The following CBX6 variants were observed in gnomAD, a reference collection of about 807,000 sequenced individuals.
CBX6 encodes the protein chromobox 6.
Under a neutral mutation model 28.4 loss-of-function variants are expected in CBX6, and 7 were observed. The observed-to-expected ratio is 0.25, with a 90% CI of 0.14 to 0.46. The LOEUF is 0.46. Ranked by LOEUF, CBX6 falls within the 20% of genes least tolerant of loss-of-function variation. The probability of loss-of-function intolerance (pLI) is 0.99; values close to 1 mark genes in which losing one functional copy is unlikely to be tolerated. For synonymous variants in CBX6, 297 were observed against 273.4 expected (o/e 1.09, Z -0.85); for missense variants, 512 against 606.1 (o/e 0.84, Z 1.63).
At position 38,865,996 on chromosome 22, in the gene CBX6, G is replaced by A. The variant is rs951623660; in HGVS notation, c.*213C>T. ...CCAGTGGGCTACCATGCATGGGCAG[G>A]GGGTGTGCCCTTCCCCTGCCCCATT... On this transcript the variant is annotated 3_prime_UTR_variant, in exon 5 of 5. Coordinates refer to ENST00000407418, the MANE Select transcript of CBX6 (RefSeq NM_014292.5). 8 of 588,496 alleles carry A rather than the reference G, an allele frequency of 1.4e-5. No homozygotes were observed. The highest frequency in any genetic ancestry group is 9.3e-5 in the African/African-American group (5 of 53,616). The allele number at this position is 588,496 out of a possible 1,614,324, so 36.5% of individuals were successfully genotyped here. A position where few individuals can be genotyped will look rare whatever the true frequency, so the allele number is the denominator to read the frequency against.
Position 38,866,758 on chromosome 22 carries a change from G to A in CBX6, c.690C>T (p.Gly230=). Reference sequence around the variant, plus strand: ...GCGGAGGCTTGTACAGCGCAAAGGCGCCGAACTTCATGTGGCGGATCTGTG... The same window carrying A: ...GCGGAGGCTTGTACAGCGCAAAGGCACCGAACTTCATGTGGCGGATCTGTG... ...LRTQIRHMKF[G]AFALYKPPPA... Residue 230 remains glycine (G), a synonymous_variant, in exon 5 of 5, where the codon GGC becomes GGT. Transcript: ENST00000407418. This position sits in a 1 kb window ranked among gnomAD's most constrained non-coding sequence, Gnocchi z 7.5. 2.5e-6 allele frequency: 4 copies of A among 1,610,902 alleles called. No homozygotes were observed. The highest frequency in any genetic ancestry group is 3.4e-6 in the Non-Finnish European group (4 of 1,178,610).
In CBX6 at chr22:38,871,421, G is replaced by A. The variant is rs1269680866; in HGVS notation, c.246+59C>T. The A allele has an allele frequency of 4.6e-6, 7 of 1,517,626 alleles. No individual in the cohort carries two copies. Among genetic ancestry groups the A allele is most frequent in the Non-Finnish European group, 6.3e-6 (7 of 1,114,056 alleles). The allele number at this position is 1,517,626 out of a possible 1,614,324, so 94.0% of individuals were successfully genotyped here. On this transcript the variant is annotated intron_variant, in intron 4 of 4. Coordinates refer to ENST00000407418, the MANE Select transcript of CBX6 (RefSeq NM_014292.5). The surrounding 1 kb of genome is among the most constrained non-coding windows in gnomAD (Gnocchi z 5.6). ...TATCTGTCCCTCCCTTCCAGGCCCCGTGCTGTGCCGGGGCTGGGGGCCCGA... is the reference window on the plus strand; with the variant it reads ...TATCTGTCCCTCCCTTCCAGGCCCCATGCTGTGCCGGGGCTGGGGGCCCGA...
chr22:38,872,169 C>G lies in CBX6; in HGVS notation c.22G>C (p.Glu8Gln). Reference protein sequence around the residue: MELSAVGERVFAAESIIK... With the variant: MELSAVGQRVFAAESIIK... ...ATGGATTCGGCCGCGAAGACCCGCT[C>G]GCCCACTGCAGACAGCTCCATCTTG... is the stretch of plus-strand genomic sequence containing the variant. The change falls in exon 1 of 5, where the codon GAG (glutamate) becomes CAG (glutamine). Residue 8 changes from glutamate to glutamine, a missense_variant. By Grantham distance (29) the Glu-to-Gln change is conservative. Coordinates refer to ENST00000407418, the MANE Select transcript of CBX6 (RefSeq NM_014292.5). The surrounding 1 kb of genome is among the most constrained non-coding windows in gnomAD (Gnocchi z 5.0). The G allele has an allele frequency of 7.1e-7, 1 of 1,418,026 alleles. No individual in the cohort carries two copies. The highest frequency in any genetic ancestry group is 9.4e-7 in the Non-Finnish European group (1 of 1,069,502). 87.8% of individuals were successfully genotyped at this position (1,418,026 alleles called of 1,614,324 possible).
chr22:38,871,263 C>T lies in CBX6; in HGVS notation c.246+217G>A, dbSNP rs2093181405. 7 of 631,938 alleles carry T rather than the reference C, an allele frequency of 1.1e-5. No individual in the cohort carries two copies. The highest frequency in any genetic ancestry group is 1.8e-5 in the South Asian group (1 of 54,822). 39.1% of individuals were successfully genotyped at this position (631,938 alleles called of 1,614,324 possible). A position where few individuals can be genotyped will look rare whatever the true frequency, so the allele number is the denominator to read the frequency against. ...CCTGGTTTCAACAGGGAGGATTATC[C>T]CCAGTCCCAAAACCCTCTTGTTGAA... On this transcript the variant is annotated intron_variant, in intron 4 of 4. Coordinates refer to ENST00000407418, the MANE Select transcript of CBX6 (RefSeq NM_014292.5). The surrounding 1 kb of genome is among the most constrained non-coding windows in gnomAD (Gnocchi z 5.6).
At position 38,871,388 on chromosome 22, in the gene CBX6, C is replaced by T. The variant is rs1257554120; in HGVS notation, c.246+92G>A. The T allele has an allele frequency of 2.3e-6, 3 of 1,325,422 alleles. No homozygotes were observed. Among genetic ancestry groups the T allele is most frequent in the South Asian group, 1.4e-5 (1 of 73,768 alleles). The allele number at this position is 1,325,422 out of a possible 1,614,324, so 82.1% of individuals were successfully genotyped here. A position where few individuals can be genotyped will look rare whatever the true frequency, so the allele number is the denominator to read the frequency against. The stretch of plus-strand genomic sequence containing the variant: ...CTCTGAAAAGGCCGGCCCGCTTGGG[C>T]GGCCGCGTATCTGTCCCTCCCTTCC... On this transcript the variant is annotated intron_variant, in intron 4 of 4. Transcript: ENST00000407418. This position sits in a 1 kb window ranked among gnomAD's most constrained non-coding sequence, Gnocchi z 5.6.
chr22:38,871,785 G>A lies in CBX6; in HGVS notation c.114-28C>T. The A allele has an allele frequency of 6.2e-7, 1 of 1,603,386 alleles. No individual in the cohort carries two copies. The highest frequency in any genetic ancestry group is 1.1e-5 in the South Asian group (1 of 90,012). On this transcript the variant is annotated intron_variant, in intron 2 of 4. Transcript: ENST00000407418. This position sits in a 1 kb window ranked among gnomAD's most constrained non-coding sequence, Gnocchi z 5.6. Reference sequence around the variant, plus strand: ...GCCGAGTCACAAACGCACAAAATCAGGATGAAGACCAGAGAGGGACAGGCA... The same window carrying A: ...GCCGAGTCACAAACGCACAAAATCAAGATGAAGACCAGAGAGGGACAGGCA...
intron 4 of CBX6, 23 bp from the exon 5 acceptor site, chr22:38,867,224 GT>G: frequency 2.0e-6 from 3 of 1,502,826 alleles, no homozygotes; most frequent in Non-Finnish European, 2.7e-6. Context: ...GGAGGGGTGG[GT>G]GGGACCTCAG....
At position 38,872,066 on chromosome 22, in the gene CBX6, C is replaced by A; in HGVS notation, c.69+56G>T. ...AGCGGGACCGCTTCGCCCCGAGGGCCCCCGGCCCCGGCCCCGGCTGCGGAC... is the reference window on the plus strand; with the variant it reads ...AGCGGGACCGCTTCGCCCCGAGGGCACCCGGCCCCGGCCCCGGCTGCGGAC... On this transcript the variant is annotated intron_variant, in intron 1 of 4. Transcript: ENST00000407418. This position sits in a 1 kb window ranked among gnomAD's most constrained non-coding sequence, Gnocchi z 5.0. 7.8e-7 allele frequency: 1 copy of A among 1,276,638 alleles called. No homozygotes were observed. The highest frequency in any genetic ancestry group is 2.2e-5 in the South Asian group (1 of 44,510). 79.1% of individuals were successfully genotyped at this position (1,276,638 alleles called of 1,614,324 possible). A position where few individuals can be genotyped will look rare whatever the true frequency, so the allele number is the denominator to read the frequency against.
In CBX6 at chr22:38,867,190, C is replaced by T. The variant is rs756406941; in HGVS notation, c.258G>A (p.Gln86=). 1.2e-6 allele frequency: 1 copy of T among 822,658 alleles called. No homozygotes were observed. Among genetic ancestry groups the T allele is most frequent in the Admixed American group, 2.4e-5 (1 of 41,952 alleles). 51.0% of individuals were successfully genotyped at this position (822,658 alleles called of 1,614,324 possible). A position where few individuals can be genotyped will look rare whatever the true frequency, so the allele number is the denominator to read the frequency against. Residue 86 remains glutamine, a synonymous_variant, in exon 5 of 5, where the codon CAG becomes CAA. Coordinates refer to ENST00000407418, the MANE Select transcript of CBX6 (RefSeq NM_014292.5). ...PKTFLLKARA[Q]AEALRISDVH... ...CATCACTGATGCGGAGGGCCTCGGC[C>T]TGGGCCCGCGCCTGCGGGCAGAGGG...
In CBX6 at chr22:38,871,273, A is replaced by G. The variant is rs2146216396; in HGVS notation, c.246+207T>C. 1.5e-6 allele frequency: 1 copy of G among 649,790 alleles called. No individual in the cohort carries two copies. The highest frequency in any genetic ancestry group is 1.7e-5 in the South Asian group (1 of 58,146). The allele number at this position is 649,790 out of a possible 1,614,324, so 40.3% of individuals were successfully genotyped here. On this transcript the variant is annotated intron_variant, in intron 4 of 4. Transcript: ENST00000407418. The surrounding 1 kb of genome is among the most constrained non-coding windows in gnomAD (Gnocchi z 5.6). ...ACAGGGAGGATTATCCCCAGTCCCA[A>G]AACCCTCTTGTTGAAGCTGATGCTG...
chr22:38,866,051 G>C lies in CBX6; in HGVS notation c.*158C>G, dbSNP rs2093168553. ...GGTGGCCCCTACCCCCGGCTTTCTG[G>C]GACCCCAACTACCCAGCCCCATCCC... On this transcript the variant is annotated 3_prime_UTR_variant, in exon 5 of 5. Coordinates refer to ENST00000407418, the MANE Select transcript of CBX6 (RefSeq NM_014292.5). The surrounding 1 kb of genome is among the most constrained non-coding windows in gnomAD (Gnocchi z 7.5). 1 of 653,648 alleles carries C rather than the reference G, an allele frequency of 1.5e-6. No individual in the cohort carries two copies. The highest frequency in any genetic ancestry group is 3.0e-5 in the Admixed American group (1 of 33,650). 40.5% of individuals were successfully genotyped at this position (653,648 alleles called of 1,614,324 possible). A position where few individuals can be genotyped will look rare whatever the true frequency, so the allele number is the denominator to read the frequency against.
rs752695107 is a variant in CBX6, at chr22:38,871,580, CCCCTTCCCGGGCCCCACTCCGCGCTG to C, written c.180-60_180-35del. The C allele has an allele frequency of 1.9e-6, 3 of 1,613,124 alleles. No individual in the cohort carries two copies. Among genetic ancestry groups the C allele is most frequent in the Non-Finnish European group, 1.7e-6 (2 of 1,179,350 alleles). On this transcript the variant is annotated intron_variant, in intron 3 of 4. Coordinates refer to ENST00000407418, the MANE Select transcript of CBX6 (RefSeq NM_014292.5). This position sits in a 1 kb window ranked among gnomAD's most constrained non-coding sequence, Gnocchi z 5.6. ...GAAAAACACCAGAGGTTAAAAAGAG[CCCCTTCCCGGGCCCCACTCCGCGCTG>C]CCCTCCCCGGCTCTCCCGCTTCCCC... is the stretch of plus-strand genomic sequence containing the variant.
chr22:38,868,929 C>T (rs2093176313), intron 4 of CBX6, among the ~76,000 whole-genome samples: 2 of 152,184 alleles, frequency 1.3e-5, no homozygotes, highest in African/African-American at 2.4e-5. Context: ...TCATTTAGAA[C>T]GTGGCGTTCA....
At position 38,866,257 on chromosome 22, in the gene CBX6, C is replaced by G. The variant is rs772822199; in HGVS notation, c.1191G>C (p.Gly397=). 3.3e-5 allele frequency: 54 copies of G among 1,613,482 alleles called. No homozygotes were observed. The East Asian group carries it at 7.4e-4, about 22-fold the overall frequency. The change falls in exon 5 of 5, where the codon GGG becomes GGC. Residue 397 remains glycine (G), a synonymous_variant. Transcript: ENST00000407418. This position sits in a 1 kb window ranked among gnomAD's most constrained non-coding sequence, Gnocchi z 7.5. ...CACCGCCCCCAGCGGCGCCTGCTAC[C>G]CCAGCAGCCACCTTCTCGAAATCCT... is the stretch of plus-strand genomic sequence containing the variant. ...NPEDFEKVAA[G]VAGAAGGGGS...
chr22:38,867,017 G>A lies in CBX6; in HGVS notation c.431C>T (p.Pro144Leu), dbSNP rs951953320. ...LPRPDPQGGS[P>L]GLRPPISPFS... ...GGGCGAAATGGGCGGGCGCAGTCCG[G>A]GGCTGCCCCCCTGCGGGTCCGGGCG... The change falls in exon 5 of 5, where the codon CCC (proline) becomes CTC (leucine). Residue 144 changes from proline (P) to leucine (L), a missense_variant. Physicochemically the swap from Pro to Leu is moderately conservative, Grantham distance 98. Around this residue, in one of 7 missense-constraint regions of CBX6, gnomAD observed 123 missense variants for 138.1 expected, o/e 0.89. Coordinates refer to ENST00000407418, the MANE Select transcript of CBX6 (RefSeq NM_014292.5). 6.2e-7 allele frequency: 1 copy of A among 1,606,204 alleles called. No homozygotes were observed. Among genetic ancestry groups the A allele is most frequent in the Non-Finnish European group, 8.5e-7 (1 of 1,177,574 alleles).
rs949246076 is a variant in CBX6 at position 38,870,675 on chromosome 22, G to A, written c.246+805C>T. The A allele has an allele frequency of 6.6e-6, 1 of 152,286 alleles. No individual in the cohort carries two copies. Among genetic ancestry groups the A allele is most frequent in the Non-Finnish European group, 1.5e-5 (1 of 68,052 alleles). The allele number at this position is 152,286 out of a possible 1,614,324, so 9.4% of individuals were successfully genotyped here. A position where few individuals can be genotyped will look rare whatever the true frequency, so the allele number is the denominator to read the frequency against. On this transcript the variant is annotated intron_variant, in intron 4 of 4. Coordinates refer to ENST00000407418, the MANE Select transcript of CBX6 (RefSeq NM_014292.5). This position sits in a 1 kb window ranked among gnomAD's most constrained non-coding sequence, Gnocchi z 4.3. ...GCCCTGAGGCATCCGTAGCACTACAGGAAGACAGGGGGCCCACTGAGTCCC... is the reference window on the plus strand; with the variant it reads ...GCCCTGAGGCATCCGTAGCACTACAAGAAGACAGGGGGCCCACTGAGTCCC...
intron 4 of CBX6, among the ~76,000 whole-genome samples, chr22:38,868,367 C>A (rs932757519): frequency 6.6e-6 from 1 of 152,208 alleles, no homozygotes; most frequent in African/African-American, 2.4e-5. Flanking sequence ...GAAGCACAGA[C>A]CCCAGGCTTG....
At position 38,864,424 on chromosome 22, in the gene CBX6, CA is replaced by C. The variant is rs151075636; in HGVS notation, c.*1784del. 0.043 allele frequency: 6,488 copies of C among 152,588 alleles called. 479 individuals carry two copies. Among genetic ancestry groups the C allele is most frequent in the African/African-American group, 0.15 (6,152 of 41,438 alleles). 9.5% of individuals were successfully genotyped at this position (152,588 alleles called of 1,614,324 possible). On this transcript the variant is annotated 3_prime_UTR_variant, in exon 5 of 5. Transcript: ENST00000407418. ...TGGTCACTCACCTGGGGGAGGGGGT[CA>C]GGGGGAAATCACCTCCAAGGACAGA... is the stretch of plus-strand genomic sequence containing the variant.
At position 38,865,905 on chromosome 22, in the gene CBX6, T is replaced by C; in HGVS notation, c.*304A>G. The C allele has an allele frequency of 2.5e-6, 1 of 406,362 alleles. No homozygotes were observed. Among genetic ancestry groups the C allele is most frequent in the Admixed American group, 4.1e-5 (1 of 24,182 alleles). 25.2% of individuals were successfully genotyped at this position (406,362 alleles called of 1,614,324 possible). A position where few individuals can be genotyped will look rare whatever the true frequency, so the allele number is the denominator to read the frequency against. On this transcript the variant is annotated 3_prime_UTR_variant, in exon 5 of 5. Coordinates refer to ENST00000407418, the MANE Select transcript of CBX6 (RefSeq NM_014292.5). ...CCGCACAGGAGAGCAGGAAGCAAGCTAGAGAGACAGGTGGGATGTGGAAGG... is the reference window on the plus strand; with the variant it reads ...CCGCACAGGAGAGCAGGAAGCAAGCCAGAGAGACAGGTGGGATGTGGAAGG...
Sources: gnomAD v4.1 joint callset for allele counts (sites outside exome capture counted in the v4.1 genomes callset) on GRCh38, gnomAD v4.1.1 for gene constraint, gnomAD v4.1.1 regional missense constraint, Gnocchi (gnomAD v3.1) non-coding constraint, MANE v1.5 for transcripts, NCBI Gene and HGNC (gene_info 2026-07-23, HGNC 2026-07-21) for gene names.